Variants in SHOX observed in about 807,000 individuals in gnomAD.
SHOX encodes SHOX homeobox, also known as short stature homeobox protein.
SHOX carries 12 observed loss-of-function variants against 29.6 expected under a neutral mutation model. The ratio of observed to expected loss-of-function variants is 0.41; its 90% CI spans 0.26 to 0.66. SHOX has a LOEUF of 0.66. Ranked by LOEUF, SHOX falls within the 30% of genes least tolerant of loss-of-function variation. The probability of loss-of-function intolerance (pLI) is 0.35; values close to 1 mark genes in which losing one functional copy is unlikely to be tolerated. For missense variants in SHOX, 499 were observed against 437.7 expected (o/e 1.14, Z -1.25); for synonymous variants, 214 against 200.6 (o/e 1.07, Z -0.57).
At chrX:626,518 G>C (rs2052538312), upstream of SHOX, among the ~76,000 whole-genome samples, 2 of 67,032 alleles carry the variant, frequency 3.0e-5, no homozygotes, top group African/African-American at 7.8e-5. Flanking sequence ...CTTTTTCTCT[G>C]TCTCTCTCTG....
intron 1 of SHOX, among the ~76,000 whole-genome samples, chrX:632,290 C>T (rs1446338758): frequency 6.6e-6 from 1 of 151,868 alleles, no homozygotes; most frequent in African/African-American, 2.4e-5. Context: ...TGGGTCGTCC[C>T]GTGGTGGAAA....
upstream of SHOX, among the ~76,000 whole-genome samples, chrX:627,615 C>T (rs35855719): frequency 0.13 from 20,062 of 152,164 alleles, 1,870 homozygotes; most frequent in African/African-American, 0.26. Flanking sequence ...ACAATTGGGG[C>T]TTCAGTTGAA....
intron 2 of SHOX, among the ~76,000 whole-genome samples, chrX:640,563 G>A (rs146248433): frequency 2.4e-4 from 36 of 152,208 alleles, no homozygotes; most frequent in African/African-American, 8.2e-4. Context: ...GCGACAGAGC[G>A]AGACTTGATT....
At position 646,567 on chromosome X, in the gene SHOX, C is replaced by T. The variant is rs751585595; in HGVS notation, c.*1931C>T. ...AAAAAAACAACTTCTTTTTTTCTTC[C>T]GCATAACACTTTCTATCTTGTCACT... On this transcript the variant is annotated 3_prime_UTR_variant, in exon 5 of 5. Coordinates refer to ENST00000686671, the MANE Select transcript of SHOX (RefSeq NM_000451.4). 2 of 151,406 alleles carry T rather than the reference C, an allele frequency of 1.3e-5. No individual in the cohort carries two copies. The highest frequency in any genetic ancestry group is 2.1e-4 in the South Asian group (1 of 4,798). The allele number at this position is 151,406 out of a possible 1,614,324, so 9.4% of individuals were successfully genotyped here. A position where few individuals can be genotyped will look rare whatever the true frequency, so the allele number is the denominator to read the frequency against.
At chrX:627,294 A>G (rs768194658), upstream of SHOX, among the ~76,000 whole-genome samples, 6 of 152,188 alleles carry the variant, frequency 3.9e-5, no homozygotes, top group Non-Finnish European at 8.8e-5. Context: ...CGTGTGGGGT[A>G]GAAAAAGCTC....
downstream of SHOX, among the ~76,000 whole-genome samples, chrX:655,233 G>T (rs1414017744): frequency 6.6e-6 from 1 of 151,436 alleles, no homozygotes; most frequent in Non-Finnish European, 1.5e-5. Flanking sequence ...TCAGCCTCCC[G>T]AGTAGCTGGG....
At position 651,573 on chromosome X, in the gene SHOX, T is replaced by A; in HGVS notation, c.*6937T>A. The A allele has an allele frequency of 9.4e-6, 2 of 212,040 alleles. No homozygotes were observed. Among genetic ancestry groups the A allele is most frequent in the Non-Finnish European group, 8.9e-6 (1 of 111,850 alleles). 13.1% of individuals were successfully genotyped at this position (212,040 alleles called of 1,614,324 possible). A position where few individuals can be genotyped will look rare whatever the true frequency, so the allele number is the denominator to read the frequency against. ...TAAAACTGAGATATAAATAAACTTA[T>A]AAATATTTGTATTCAAGTGTTAAAA... On this transcript the variant is annotated 3_prime_UTR_variant, in exon 5 of 5. Transcript: ENST00000686671.
intron 2 of SHOX, 81 bp downstream of exon 2, chrX:634,907 G>A (rs1295052817): frequency 7.0e-7 from 1 of 1,427,460 alleles, no homozygotes; most frequent in Non-Finnish European, 9.4e-7. Context: ...ACAGCCACCT[G>A]CGCCCGGGCC....
chrX:651,962 C>A (rs2053072032), downstream of SHOX, among the ~76,000 whole-genome samples: 1 of 152,082 alleles, frequency 6.6e-6, no homozygotes. Context: ...CTCTGTCGCC[C>A]AGGCCGGAGG....
At chrX:633,615 G>GT (rs1265415035) in intron 1 of SHOX, among the ~76,000 whole-genome samples, 1 of 152,102 alleles carries the variant, frequency 6.6e-6, no homozygotes, top group African/African-American at 2.4e-5. Flanking sequence ...GGCCTTGCCT[G>GT]TGCCCCTTTG....
chrX:637,654 C>T (rs762806659), intron 2 of SHOX, among the ~76,000 whole-genome samples: 20 of 152,192 alleles, frequency 1.3e-4, no homozygotes, highest in African/African-American at 4.8e-4. Flanking sequence ...AAGGCGAGTG[C>T]GCTTTGAGGG....
intron 4 of SHOX, 94 bp from the exon 5 acceptor site, chrX:644,297 G>A: frequency 1.4e-6 from 2 of 1,404,926 alleles, no homozygotes; most frequent in Non-Finnish European, 1.9e-6. Context: ...CCCTAGGGGA[G>A]AAGAGGCACG....
chrX:652,361 T>G (rs997522618), downstream of SHOX, among the ~76,000 whole-genome samples: 1 of 126,886 alleles, frequency 7.9e-6, no homozygotes, highest in Non-Finnish European at 1.7e-5. Context: ...TTTTTTTGCA[T>G]AGATTTTTCT....
At chrX:633,479 G>A (rs1315793587) in intron 1 of SHOX, among the ~76,000 whole-genome samples, 1 of 151,944 alleles carries the variant, frequency 6.6e-6, no homozygotes, top group African/African-American at 2.4e-5. Flanking sequence ...AATGTAGCTC[G>A]GGGTGGGGTG....
At position 650,295 on chromosome X, in the gene SHOX, G is replaced by A. The variant is rs1330563204; in HGVS notation, c.*5659G>A. Reference sequence around the variant, plus strand: ...CGTACGGGAAGGAGGCCTTTGGGCCGCTCCAAAGACGCCCTGTCGTAGGAA... The same window carrying A: ...CGTACGGGAAGGAGGCCTTTGGGCCACTCCAAAGACGCCCTGTCGTAGGAA... On this transcript the variant is annotated 3_prime_UTR_variant, in exon 5 of 5. Coordinates refer to ENST00000686671, the MANE Select transcript of SHOX (RefSeq NM_000451.4). Among the ~76,000 whole-genome samples, 1 of 152,062 alleles carries A rather than the reference G, an allele frequency of 6.6e-6. No individual in the cohort carries two copies. The highest frequency in any genetic ancestry group is 2.4e-5 in the African/African-American group (1 of 41,418).
At chrX:651,759 G>A, downstream of SHOX, among the ~76,000 whole-genome samples, 1 of 151,382 alleles carries the variant, frequency 6.6e-6, no homozygotes, top group Non-Finnish European at 1.5e-5. Flanking sequence ...AGATCGGGAG[G>A]TACCATTGAC....
intron 1 of SHOX, among the ~76,000 whole-genome samples, chrX:634,337 A>C (rs756629886): frequency 1.8e-4 from 28 of 152,088 alleles, no homozygotes; most frequent in African/African-American, 6.7e-4. Context: ...AAAAAAAAAA[A>C]TAAGAAAAAA....
chrX:639,415 G>C (rs1044382247), intron 2 of SHOX, among the ~76,000 whole-genome samples: 2 of 148,432 alleles, frequency 1.3e-5, no homozygotes, highest in African/African-American at 5.3e-5. Context: ...CGAGGAGGCC[G>C]AGAAGGGCAA....
At chrX:633,749 G>T (rs1398052061) in intron 1 of SHOX, among the ~76,000 whole-genome samples, 2 of 152,090 alleles carry the variant, frequency 1.3e-5, no homozygotes, top group African/African-American at 4.8e-5. Context: ...ACAGAGGGGC[G>T]TTGGAGATGC....
Sources: allele counts gnomAD v4.1 joint callset (sites outside exome capture counted in the v4.1 genomes callset), GRCh38; gene constraint gnomAD v4.1.1; transcripts MANE v1.5; gene names NCBI Gene and HGNC (gene_info 2026-07-23, HGNC 2026-07-21).